Variants in NCAM2 observed in about 807,000 individuals in gnomAD.
The protein encoded by NCAM2 is neural cell adhesion molecule 2.
NCAM2 carries 30 observed loss-of-function variants against 98.1 expected under a neutral mutation model. That is an observed-to-expected ratio of 0.31 (90% CI 0.23 to 0.41). NCAM2 has a LOEUF of 0.41. NCAM2 is among the 10% of genes least tolerant of loss of function. NCAM2 has a pLI of 1.00. For synonymous variants in NCAM2, 368 were observed against 342.4 expected (o/e 1.07, Z -0.83); for missense variants, 867 against 1,005.8 (o/e 0.86, Z 1.87).
intron 1 of NCAM2, among the ~76,000 whole-genome samples, chr21:21,178,195 G>T (rs1252975838): frequency 6.6e-6 from 1 of 151,928 alleles, no homozygotes; most frequent in African/African-American, 2.4e-5. Context: ...TTAAATCAAA[G>T]CAACTAATCT....
At chr21:21,446,693 T>C (rs1387812587) in intron 12 of NCAM2, among the ~76,000 whole-genome samples, 1 of 152,078 alleles carries the variant, frequency 6.6e-6, no homozygotes, top group Non-Finnish European at 1.5e-5. Context: ...GATAAGAAAC[T>C]TCAGCAGACT....
rs138275559 is a variant in NCAM2 at position 21,399,839 on chromosome 21, C to G, written c.1196-10435C>G. ...AAGACTTTTCTTAGGTCACAGTTAC[C>G]AACCACAAATAAACTAGGCTCAGAG... On this transcript the variant is annotated intron_variant, in intron 9 of 17. Transcript: ENST00000400546. Among the ~76,000 whole-genome samples the G allele has an allele frequency of 3.3e-5, 5 of 152,046 alleles. No individual in the cohort carries two copies. The South Asian group carries it at 1.0e-3, about 32-fold the overall frequency.
chr21:21,433,374 T>C (rs948061790), intron 12 of NCAM2, among the ~76,000 whole-genome samples: 1 of 152,132 alleles, frequency 6.6e-6, no homozygotes, highest in Non-Finnish European at 1.5e-5. Flanking sequence ...CTATAGTTTT[T>C]TTTTAAAAAA....
chr21:21,331,517 C>CTCTCTCTCTATATATATATATATA (rs1483062198), intron 6 of NCAM2, among the ~76,000 whole-genome samples: 1 of 6,938 alleles, frequency 1.4e-4, no homozygotes, highest in Non-Finnish European at 2.6e-4. Context: ...CTCTCTCTCT[C>CTCTCTCTCTATATATATATATATA]TATATATATA....
At chr21:21,376,165 T>A (rs1337188796) in intron 9 of NCAM2, among the ~76,000 whole-genome samples, 1 of 151,850 alleles carries the variant, frequency 6.6e-6, no homozygotes, top group African/African-American at 2.4e-5. Flanking sequence ...TACTCAAGCA[T>A]TTAAAGATAC....
At chr21:21,406,722 A>C (rs977156549) in intron 9 of NCAM2, among the ~76,000 whole-genome samples, 1 of 152,122 alleles carries the variant, frequency 6.6e-6, no homozygotes, top group Non-Finnish European at 1.5e-5. Context: ...ACTTCTTTTC[A>C]TTATAATTTG....
In NCAM2 at chr21:21,130,108, A is replaced by T. The variant is rs555838516; in HGVS notation, c.55+131490A>T. Among the ~76,000 whole-genome samples, 6 of 152,308 alleles carry T rather than the reference A, an allele frequency of 3.9e-5. No homozygotes were observed. The South Asian group carries it at 6.2e-4, about 16-fold the overall frequency. On this transcript the variant is annotated intron_variant, in intron 1 of 17. Coordinates refer to ENST00000400546, the MANE Select transcript of NCAM2 (RefSeq NM_004540.5). ...AATAAGGAACAATGAGAAAAAAATAAATGTATAAAACAAAGGCTAACTAGG... is the reference window on the plus strand; with the variant it reads ...AATAAGGAACAATGAGAAAAAAATATATGTATAAAACAAAGGCTAACTAGG...
Position 21,015,297 on chromosome 21 carries a change from G to A in NCAM2, c.55+16679G>A, listed in dbSNP as rs777880138. Reference sequence around the variant, plus strand: ...AATATTGCATGCTACAGAGAAGTACGTTAGGAAAGGAAGAGCCGATTGAAA... The same window carrying A: ...AATATTGCATGCTACAGAGAAGTACATTAGGAAAGGAAGAGCCGATTGAAA... On this transcript the variant is annotated intron_variant, in intron 1 of 17. Transcript: ENST00000400546. Among the ~76,000 whole-genome samples the A allele has an allele frequency of 3.9e-5, 6 of 152,144 alleles. No individual in the cohort carries two copies. In the South Asian group the frequency reaches 6.2e-4, roughly 16 times the overall value.
rs111505898 is a variant in NCAM2 at position 21,045,367 on chromosome 21, G to A, written c.55+46749G>A. On this transcript the variant is annotated intron_variant, in intron 1 of 17. Transcript: ENST00000400546. ...CAGAATAGATAGAAACTAGGCTGGG[G>A]TTATGGAAGCTCATGCCTGTAATTC... Among the ~76,000 whole-genome samples the A allele has an allele frequency of 2.6e-3, 392 of 152,290 alleles. 1 individual carries two copies. The highest frequency in any genetic ancestry group is 8.3e-3 in the African/African-American group (343 of 41,566).
intron 1 of NCAM2, among the ~76,000 whole-genome samples, chr21:21,216,280 A>G (rs1302437711): frequency 6.6e-6 from 1 of 152,202 alleles, no homozygotes; most frequent in Non-Finnish European, 1.5e-5. Flanking sequence ...AAGTAGAAAA[A>G]TCACAGTGAG....
intron 1 of NCAM2, among the ~76,000 whole-genome samples, chr21:21,085,709 T>C (rs892240220): frequency 3.9e-5 from 6 of 152,138 alleles, no homozygotes; most frequent in African/African-American, 7.2e-5. Flanking sequence ...CTTCCAACAA[T>C]GAGTAAAGAT....
intron 1 of NCAM2, among the ~76,000 whole-genome samples, chr21:21,164,708 CTTG>C (rs1162590988): frequency 6.6e-6 from 1 of 152,044 alleles, no homozygotes; most frequent in Admixed American, 6.5e-5. Flanking sequence ...AACTTCCATG[CTTG>C]TTATTTATTT....
At chr21:21,189,583 A>T (rs965160380) in intron 1 of NCAM2, among the ~76,000 whole-genome samples, 2 of 152,194 alleles carry the variant, frequency 1.3e-5, no homozygotes, top group Non-Finnish European at 2.9e-5. Flanking sequence ...AATAAAAAAA[A>T]TAAATTCCAG....
chr21:21,243,283 T>C (rs1385322267), intron 1 of NCAM2, among the ~76,000 whole-genome samples: 3 of 152,166 alleles, frequency 2.0e-5, no homozygotes, highest in African/African-American at 7.2e-5. Context: ...TTAGAATGCA[T>C]AGATATGTTC....
Position 21,280,578 on chromosome 21 carries a change from CTCT to C in NCAM2, c.62_64del (p.Leu21del). On this transcript the variant is annotated inframe_deletion and splice_region_variant, in exon 2 of 18. Coordinates refer to ENST00000400546, the MANE Select transcript of NCAM2 (RefSeq NM_004540.5). ...TAATTGTTTCCCAATTTTTTTTCAG[CTCT>C]TCTTCAAGTGACAATTTCACTTAGC... 6.3e-7 allele frequency: 1 copy of C among 1,583,902 alleles called. No homozygotes were observed. The highest frequency in any genetic ancestry group is 8.6e-7 in the Non-Finnish European group (1 of 1,167,304).
At chr21:21,248,505 A>T (rs1010466282) in intron 1 of NCAM2, among the ~76,000 whole-genome samples, 1 of 152,070 alleles carries the variant, frequency 6.6e-6, no homozygotes, top group African/African-American at 2.4e-5. Flanking sequence ...ATTAAGATTT[A>T]TGAATTTCTG....
intron 1 of NCAM2, among the ~76,000 whole-genome samples, chr21:21,235,950 C>G (rs1200578864): frequency 1.3e-5 from 2 of 151,974 alleles, no homozygotes; most frequent in Non-Finnish European, 2.9e-5. Flanking sequence ...CCAATTATTT[C>G]CTTGGTTGGC....
chr21:21,431,582 A>G (rs751191261), intron 11 of NCAM2, among the ~76,000 whole-genome samples: 1 of 152,176 alleles, frequency 6.6e-6, no homozygotes, highest in African/African-American at 2.4e-5. Flanking sequence ...AATAGTTTAC[A>G]GTCTTATTTA....
intron 8 of NCAM2, among the ~76,000 whole-genome samples, chr21:21,366,205 A>C (rs1386414263): frequency 6.6e-6 from 1 of 152,016 alleles, no homozygotes; most frequent in African/African-American, 2.4e-5. Flanking sequence ...AAGCGCAATG[A>C]CTATAGTTAA....
Sources: allele counts gnomAD v4.1 joint callset (sites outside exome capture counted in the v4.1 genomes callset), GRCh38; gene constraint gnomAD v4.1.1; transcripts MANE v1.5; gene names NCBI Gene and HGNC (gene_info 2026-07-23, HGNC 2026-07-21).